The following WWOX variants were observed in gnomAD, a reference collection of about 807,000 sequenced individuals.
WWOX encodes WW domain-containing oxidoreductase.
WWOX carries 69 observed loss-of-function variants against 46.2 expected under a neutral mutation model. That is an observed-to-expected ratio of 1.49 (90% CI 1.23 to 1.82). The LOEUF is 1.82. Ranked by LOEUF, WWOX falls within the 40% of genes most tolerant of loss-of-function variation. The pLI is 0.00. For synonymous variants in WWOX, 359 were observed against 202.6 expected, an observed-to-expected ratio of 1.77 and a Z score of -6.56; for missense variants, 919 against 542.6, an observed-to-expected ratio of 1.69 and a Z score of -6.89.
At chr16:78,228,076 GA>G (rs1327143268) in intron 5 of WWOX, among the ~76,000 whole-genome samples, 1 of 151,976 alleles carries the variant, frequency 6.6e-6, no homozygotes, top group African/African-American at 2.4e-5. Context: ...GCTATGGGGA[GA>G]GGAAGCTGGT....
In WWOX at chr16:78,995,321, C is replaced by G. The variant is rs565115656; in HGVS notation, c.1057-216287C>G. Among the ~76,000 whole-genome samples the G allele has an allele frequency of 1.1e-4, 16 of 152,248 alleles. No homozygotes were observed. In the East Asian group the frequency reaches 3.1e-3, roughly 29 times the overall value. On this transcript the variant is annotated intron_variant, in intron 8 of 8. Coordinates refer to ENST00000566780, the MANE Select transcript of WWOX (RefSeq NM_016373.4). ...GCCAGTCTGCCCCTTGCCCAATTCC[C>G]TCCCCTCTCCTGCCTACAGGTCATC...
chr16:79,010,519 C>T (rs1463334498), intron 8 of WWOX, among the ~76,000 whole-genome samples: 1 of 152,102 alleles, frequency 6.6e-6, no homozygotes, highest in African/African-American at 2.4e-5. Context: ...GGGAATAAGC[C>T]AGATTAAAGC....
At chr16:78,116,743 G>A (rs901801595) in intron 4 of WWOX, among the ~76,000 whole-genome samples, 6 of 152,244 alleles carry the variant, frequency 3.9e-5, no homozygotes, top group African/African-American at 1.2e-4. Flanking sequence ...TAAGAAAAAA[G>A]GACTTAAGGG....
At chr16:78,425,733 G>A (rs1163389598) in intron 7 of WWOX, among the ~76,000 whole-genome samples, 1 of 152,132 alleles carries the variant, frequency 6.6e-6, no homozygotes, top group South Asian at 2.1e-4. Flanking sequence ...AAAGACAAAG[G>A]CCTTGCTGGG....
At chr16:78,111,070 A>G (rs1293331112) in intron 3 of WWOX, among the ~76,000 whole-genome samples, 1 of 152,074 alleles carries the variant, frequency 6.6e-6, no homozygotes, top group Non-Finnish European at 1.5e-5. Context: ...CAAGTACACC[A>G]ACATTTAGGG....
intron 5 of WWOX, among the ~76,000 whole-genome samples, chr16:78,384,021 G>C (rs2082009387): frequency 6.6e-6 from 1 of 152,204 alleles, no homozygotes; most frequent in African/African-American, 2.4e-5. Flanking sequence ...TACTTACAGA[G>C]AAGACTGGGC....
rs185491402 is a variant in WWOX at position 79,136,288 on chromosome 16, T to C, written c.1057-75320T>C. On this transcript the variant is annotated intron_variant, in intron 8 of 8. Transcript: ENST00000566780. ...GCTCTTTTGCCAGGCTGGAGTGCAGTGGTGCAATCTCGGCTCACTGCAACA... is the reference window on the plus strand; with the variant it reads ...GCTCTTTTGCCAGGCTGGAGTGCAGCGGTGCAATCTCGGCTCACTGCAACA... 1.5e-3 allele frequency among the ~76,000 whole-genome samples: 228 copies of C among 151,764 alleles called. 1 individual carries two copies. The highest frequency in any genetic ancestry group is 0.014 in the Middle Eastern group (4 of 290).
intron 8 of WWOX, among the ~76,000 whole-genome samples, chr16:78,481,764 T>TGTGTGTGTGTGTGTGC (rs149940474): frequency 3.2e-4 from 47 of 148,024 alleles, no homozygotes; most frequent in South Asian, 9.0e-4. Context: ...TGTGTGTGTG[T>TGTGTGTGTGTGTGTGC]GCGCGCGCCT....
intron 8 of WWOX, among the ~76,000 whole-genome samples, chr16:78,564,128 C>T (rs532103961): frequency 6.6e-6 from 1 of 152,242 alleles, no homozygotes; most frequent in Non-Finnish European, 1.5e-5. Flanking sequence ...ACAGCAGACA[C>T]CTGCCCAGCT....
At chr16:78,414,319 A>C (rs1386758757) in intron 6 of WWOX, among the ~76,000 whole-genome samples, 1 of 152,170 alleles carries the variant, frequency 6.6e-6, no homozygotes, top group Non-Finnish European at 1.5e-5. Context: ...GTCTCTTCAC[A>C]TGGACACGTG....
intron 8 of WWOX, among the ~76,000 whole-genome samples, chr16:79,149,065 C>T (rs1051526884): frequency 6.6e-6 from 1 of 152,054 alleles, no homozygotes; most frequent in African/African-American, 2.4e-5. Context: ...ACTTCCTGTG[C>T]TATGTTGAAC....
Position 78,959,357 on chromosome 16 carries a change from G to A in WWOX, c.1057-252251G>A, listed in dbSNP as rs1005536141. ...AAGTGCTGTGCTTGGCCCTGAGAAA[G>A]CAAAGAGAGATAGAGATGTCCATGT... On this transcript the variant is annotated intron_variant, in intron 8 of 8. Transcript: ENST00000566780. 3.9e-5 allele frequency among the ~76,000 whole-genome samples: 6 copies of A among 152,210 alleles called. No individual in the cohort carries two copies. The East Asian group carries it at 1.2e-3, about 29-fold the overall frequency.
chr16:79,208,927 G>T (rs1460401273), intron 8 of WWOX, among the ~76,000 whole-genome samples: 2 of 152,226 alleles, frequency 1.3e-5, no homozygotes, highest in East Asian at 3.9e-4. Context: ...GAGGAAAGTA[G>T]AGTGAGTACC....
At chr16:78,232,525 T>G (rs907545791) in intron 5 of WWOX, among the ~76,000 whole-genome samples, 7 of 152,212 alleles carry the variant, frequency 4.6e-5, no homozygotes, top group African/African-American at 1.7e-4. Context: ...AAGGATTTTA[T>G]GAAAAGGGAG....
chr16:78,606,878 A>C (rs528274593), intron 8 of WWOX, among the ~76,000 whole-genome samples: 4 of 152,304 alleles, frequency 2.6e-5, no homozygotes, highest in Non-Finnish European at 4.4e-5. Context: ...TTGAGTGGGC[A>C]GGGATTGTTG....
At chr16:78,997,900 G>A (rs142386965) in intron 8 of WWOX, among the ~76,000 whole-genome samples, 1 of 151,834 alleles carries the variant, frequency 6.6e-6, no homozygotes, top group Non-Finnish European at 1.5e-5. Context: ...TTTTTAGACA[G>A]AGTTTCACCC....
intron 8 of WWOX, among the ~76,000 whole-genome samples, chr16:78,624,890 G>T (rs775240373): frequency 6.6e-6 from 1 of 152,186 alleles, no homozygotes; most frequent in Admixed American, 6.5e-5. Flanking sequence ...GTGATGAAAG[G>T]TGATGTTCAC....
chr16:78,621,813 G>T lies in WWOX; in HGVS notation c.1056+189061G>T, dbSNP rs543144778. Among the ~76,000 whole-genome samples the T allele has an allele frequency of 2.6e-5, 4 of 151,840 alleles. No individual in the cohort carries two copies. The Middle Eastern group carries it at 0.01, about 387-fold the overall frequency. On this transcript the variant is annotated intron_variant, in intron 8 of 8. Coordinates refer to ENST00000566780, the MANE Select transcript of WWOX (RefSeq NM_016373.4). The stretch of plus-strand genomic sequence containing the variant: ...GTAAAGATGGGGTTTCACCATGTTA[G>T]CCAGGATGGTCTCGATCTCCTGACC...
chr16:78,411,546 A>G (rs1407484086), intron 6 of WWOX, among the ~76,000 whole-genome samples: 3 of 152,164 alleles, frequency 2.0e-5, no homozygotes, highest in African/African-American at 7.2e-5. Context: ...AAGGGGGTGT[A>G]GTTGTGGCTG....
Sources: gnomAD v4.1 joint callset for allele counts (sites outside exome capture counted in the v4.1 genomes callset) on GRCh38, gnomAD v4.1.1 for gene constraint, MANE v1.5 for transcripts, NCBI Gene and HGNC (gene_info 2026-07-23, HGNC 2026-07-21) for gene names.